NEURL1: variants seen among roughly 807,000 people sequenced by gnomAD.
The protein encoded by NEURL1 is E3 ubiquitin-protein ligase NEURL1.
NEURL1 carries 26 observed loss-of-function variants against 41.2 expected under a neutral mutation model. That is an observed-to-expected ratio of 0.63 (90% CI 0.46 to 0.87). The LOEUF is 0.87. NEURL1 is among the 40% of genes least tolerant of loss of function. The pLI is 0.00. For synonymous variants in NEURL1, 400 were observed against 402.3 expected (o/e 0.99, Z 0.07); for missense variants, 761 against 871.1 (o/e 0.87, Z 1.59).
At chr10:103,526,851 G>A (rs867493173) in intron 1 of NEURL1, among the ~76,000 whole-genome samples, 1 of 151,662 alleles carries the variant, frequency 6.6e-6, no homozygotes, top group Non-Finnish European at 1.5e-5. Flanking sequence ...AGGTTATAGC[G>A]ACTAGGCTTT....
chr10:103,584,973 G>T lies in NEURL1; in HGVS notation c.1087G>T (p.Gly363Cys). 1 of 1,527,736 alleles carries T rather than the reference G, an allele frequency of 6.5e-7. No individual in the cohort carries two copies. 94.6% of individuals were successfully genotyped at this position (1,527,736 alleles called of 1,614,324 possible). ...GTTCGGCGTCACCACGTGCGACCCCGGCACGCTGCGGCCGGCCGACCTGCC... is the reference window on the plus strand; with the variant it reads ...GTTCGGCGTCACCACGTGCGACCCCTGCACGCTGCGGCCGGCCGACCTGCC... ...LSFGVTTCDP[G>C]TLRPADLPFS... The change falls in exon 4 of 6, where the codon GGC (glycine) becomes TGC (cysteine). Residue 363 changes from glycine to cysteine, a missense_variant. Coordinates refer to ENST00000369780, the MANE Select transcript of NEURL1 (RefSeq NM_004210.5).
At chr10:103,583,705 C>CCAAA (rs1491282703) in intron 3 of NEURL1, among the ~76,000 whole-genome samples, 3 of 19,560 alleles carry the variant, frequency 1.5e-4, no homozygotes, top group African/African-American at 5.6e-4. Flanking sequence ...GATCCTGTCT[C>CCAAA]AAAAAAAAAA....
chr10:103,579,290 C>T (rs908291376), intron 3 of NEURL1, among the ~76,000 whole-genome samples: 5 of 152,228 alleles, frequency 3.3e-5, no homozygotes, highest in African/African-American at 9.6e-5. Flanking sequence ...ACTCCTGTGT[C>T]GTCCAGAATA....
intron 1 of NEURL1, among the ~76,000 whole-genome samples, chr10:103,553,510 G>A (rs1308199284): frequency 1.3e-5 from 2 of 152,142 alleles, no homozygotes; most frequent in African/African-American, 4.8e-5. Flanking sequence ...GAAGTCGTGG[G>A]CATGCCTCTG....
intron 1 of NEURL1, among the ~76,000 whole-genome samples, chr10:103,533,820 G>A (rs1186741265): frequency 6.6e-6 from 1 of 151,692 alleles, no homozygotes; most frequent in South Asian, 2.1e-4. Flanking sequence ...ACAGGCTTGA[G>A]CCACCGCTCC....
intron 1 of NEURL1, among the ~76,000 whole-genome samples, chr10:103,513,827 C>T (rs1158968044): frequency 3.9e-5 from 6 of 151,978 alleles, no homozygotes; most frequent in Non-Finnish European, 7.4e-5. Flanking sequence ...GCTTGGGAAT[C>T]CCCCAAGGCC....
Position 103,554,626 on chromosome 10 carries a change from T to C in NEURL1, c.86-16246T>C, listed in dbSNP as rs77679905. Among the ~76,000 whole-genome samples, 756 of 152,300 alleles carry C rather than the reference T, an allele frequency of 5.0e-3. 4 individuals carry two copies. The highest frequency in any genetic ancestry group is 8.2e-3 in the Non-Finnish European group (561 of 68,016). ...TTTCTCATCTGTAAGACCATCATCATCATCTTAGAGATGGTACCTGTTGAT... is the reference window on the plus strand; with the variant it reads ...TTTCTCATCTGTAAGACCATCATCACCATCTTAGAGATGGTACCTGTTGAT... On this transcript the variant is annotated intron_variant, in intron 1 of 5. Coordinates refer to ENST00000369780, the MANE Select transcript of NEURL1 (RefSeq NM_004210.5).
intron 1 of NEURL1, among the ~76,000 whole-genome samples, chr10:103,537,460 T>G (rs944589523): frequency 6.6e-6 from 1 of 152,128 alleles, no homozygotes; most frequent in African/African-American, 2.4e-5. Flanking sequence ...AGTGCAGTGG[T>G]GTGATCATGG....
chr10:103,539,155 C>T (rs1442362353), intron 1 of NEURL1, among the ~76,000 whole-genome samples: 1 of 151,990 alleles, frequency 6.6e-6, no homozygotes, highest in East Asian at 1.9e-4. Flanking sequence ...TGATGTTGCC[C>T]AGGCTGGTCT....
intron 1 of NEURL1, among the ~76,000 whole-genome samples, chr10:103,561,293 C>T (rs1455450210): frequency 6.6e-6 from 1 of 150,742 alleles, no homozygotes; most frequent in Non-Finnish European, 1.5e-5. Flanking sequence ...CAGAGTCTCA[C>T]TCTTCTCACC....
At position 103,584,741 on chromosome 10, in the gene NEURL1, G is replaced by C; in HGVS notation, c.855G>C (p.Ala285=). ...CACTCAACTCGCAGCACAGCCGCGC[G>C]CTGCCGGCGCAGCTCGACGGCGACC... ...QNSLNSQHSR[A]LPAQLDGDLR... Residue 285 remains alanine (A), a synonymous_variant, in exon 4 of 6, where the codon GCG becomes GCC. Transcript: ENST00000369780. The C allele has an allele frequency of 6.8e-7, 1 of 1,463,790 alleles. No individual in the cohort carries two copies. The highest frequency in any genetic ancestry group is 9.0e-7 in the Non-Finnish European group (1 of 1,113,082). 90.7% of individuals were successfully genotyped at this position (1,463,790 alleles called of 1,614,324 possible).
rs371323818 is a variant in NEURL1 at position 103,536,921 on chromosome 10, T to A, written c.86-33951T>A. On this transcript the variant is annotated intron_variant, in intron 1 of 5. Transcript: ENST00000369780. Reference sequence around the variant, plus strand: ...TACCCATTAAACACTAGCTTCCCATTTCCCAGTGCCCTCAACCCCAGGCAA... The same window carrying A: ...TACCCATTAAACACTAGCTTCCCATATCCCAGTGCCCTCAACCCCAGGCAA... 8.5e-5 allele frequency among the ~76,000 whole-genome samples: 13 copies of A among 152,318 alleles called. No individual in the cohort carries two copies. In the South Asian group the frequency reaches 2.7e-3, roughly 32 times the overall value.
intron 1 of NEURL1, among the ~76,000 whole-genome samples, chr10:103,539,933 C>T (rs2133863338): frequency 6.6e-6 from 1 of 152,296 alleles, no homozygotes; most frequent in South Asian, 2.1e-4. Flanking sequence ...CTGGCTGGAG[C>T]TTCAGCTTCT....
intron 1 of NEURL1, among the ~76,000 whole-genome samples, chr10:103,559,668 TG>T (rs1370079063): frequency 6.6e-6 from 1 of 151,904 alleles, no homozygotes; most frequent in African/African-American, 2.4e-5. Flanking sequence ...TTCTGTAAAT[TG>T]GGAAGGGTAA....
intron 1 of NEURL1, chr10:103,550,499 G>A (rs2035012212): frequency 6.6e-6 from 1 of 152,288 alleles, no homozygotes; most frequent in African/African-American, 2.4e-5. Context: ...ATATGGGTCT[G>A]TGTTCTTCAC....
chr10:103,570,965 C>A lies in NEURL1; in HGVS notation c.179C>A (p.Ala60Asp). 2 of 1,614,014 alleles carry A rather than the reference C, an allele frequency of 1.2e-6. No individual in the cohort carries two copies. Among genetic ancestry groups the A allele is most frequent in the Non-Finnish European group, 1.7e-6 (2 of 1,180,018 alleles). Residue 60 changes from alanine to aspartate, a missense_variant, in exon 2 of 6, where the codon GCC (alanine) becomes GAC (aspartate). By Grantham distance (126) the Ala-to-Asp change is moderately radical (BLOSUM62 -2). This residue lies in a region of NEURL1 where 94 missense variants were observed against 96.6 expected (regional missense o/e 0.97). Coordinates refer to ENST00000369780, the MANE Select transcript of NEURL1 (RefSeq NM_004210.5). ...GTGCTGCCCAGCGGGGGGCTCCCAG[C>A]CACGCCGCTGCTCTTCCACCCGCAC... ...PAVLPSGGLP[A>D]TPLLFHPHTK...
chr10:103,559,358 G>A (rs1053948111), intron 1 of NEURL1, among the ~76,000 whole-genome samples: 4 of 152,186 alleles, frequency 2.6e-5, no homozygotes, highest in African/African-American at 9.7e-5. Context: ...TCAGCCTGGC[G>A]CCTGGCACAC....
Position 103,508,331 on chromosome 10 carries a change from A to G in NEURL1, c.85+13859A>G, listed in dbSNP as rs1038072776. ...GTCCGATCTTCCAAATCTCACTCAG[A>G]TTCTTCCTGGGTCTCTTCATGGGAC... is the stretch of plus-strand genomic sequence containing the variant. On this transcript the variant is annotated intron_variant, in intron 1 of 5. Transcript: ENST00000369780. The surrounding 1 kb of genome is among the most constrained non-coding windows in gnomAD (Gnocchi z 4.3). Among the ~76,000 whole-genome samples, 1 of 152,212 alleles carries G rather than the reference A, an allele frequency of 6.6e-6. No homozygotes were observed. Among genetic ancestry groups the G allele is most frequent in the Non-Finnish European group, 1.5e-5 (1 of 68,036 alleles).
chr10:103,589,375 C>T, intron 4 of NEURL1, 139 bp from the exon 5 acceptor site: 1 of 912,568 alleles, frequency 1.1e-6, no homozygotes, highest in South Asian at 1.9e-5. Context: ...GATCCCCGCG[C>T]CAGCCTGCAA....
Sources: allele counts gnomAD v4.1 joint callset (sites outside exome capture counted in the v4.1 genomes callset), GRCh38; gene constraint gnomAD v4.1.1; regional missense constraint gnomAD v4.1.1; non-coding constraint Gnocchi (gnomAD v3.1); transcripts MANE v1.5; gene names NCBI Gene and HGNC (gene_info 2026-07-23, HGNC 2026-07-21).